Variants in PLCG2 observed in about 807,000 individuals in gnomAD.
The protein encoded by PLCG2 is phospholipase C gamma 2, also known as 1-phosphatidylinositol 4,5-bisphosphate phosphodiesterase gamma-2.
Under a neutral mutation model 175.6 loss-of-function variants are expected in PLCG2, and 69 were observed. The observed-to-expected ratio is 0.39, with a 90% CI of 0.32 to 0.48. The LOEUF (loss-of-function observed/expected upper bound fraction) is 0.48, where lower values mean the gene tolerates loss of function less well. PLCG2 is among the 20% of genes least tolerant of loss of function. PLCG2 has a pLI of 0.91. For missense variants in PLCG2, 1,798 were observed against 1,650.9 expected, an observed-to-expected ratio of 1.09 and a Z score of -1.54; for synonymous variants, 827 against 624.0, an observed-to-expected ratio of 1.33 and a Z score of -4.85.
At chr16:81,741,434 C>A (rs58110576) in intron 1 of PLCG2, among the ~76,000 whole-genome samples, 44,945 of 151,946 alleles carry the variant, frequency 0.3, 7,598 homozygotes, top group East Asian at 0.66. Flanking sequence ...TTTTTTCCGT[C>A]AAAAATTTTT....
intron 2 of PLCG2, among the ~76,000 whole-genome samples, chr16:81,796,446 TA>T (rs1319999796): frequency 1.3e-5 from 2 of 152,196 alleles, no homozygotes; most frequent in African/African-American, 4.8e-5. Flanking sequence ...TTCCTGGGCA[TA>T]GGGGTGGATT....
intron 21 of PLCG2, 32 bp downstream of exon 21, chr16:81,921,301 T>C: frequency 6.9e-7 from 1 of 1,444,262 alleles, no homozygotes; most frequent in South Asian, 1.1e-5. Flanking sequence ...TCACATGATT[T>C]TGGAGTCACG....
At chr16:81,837,426 A>G (rs1260138372) in intron 2 of PLCG2, among the ~76,000 whole-genome samples, 7 of 152,246 alleles carry the variant, frequency 4.6e-5, no homozygotes, top group Non-Finnish European at 8.8e-5. Flanking sequence ...AGGAGGCTGC[A>G]TGAACATCTA....
At chr16:81,950,222 G>A (rs1257068979) in intron 31 of PLCG2, among the ~76,000 whole-genome samples, 1 of 152,126 alleles carries the variant, frequency 6.6e-6, no homozygotes, top group Non-Finnish European at 1.5e-5. Flanking sequence ...AGGCCTAAAG[G>A]CAAGGTAAAT....
rs763047744 is a variant in PLCG2 at position 81,860,172 on chromosome 16, A to ATTATTATTTT, written c.479+1011_479+1012insATTATTTTTT. Among the ~76,000 whole-genome samples, 252 of 120,602 alleles carry ATTATTATTTT rather than the reference A, an allele frequency of 2.1e-3. 1 individual carries two copies. Among genetic ancestry groups the ATTATTATTTT allele is most frequent in the African/African-American group, 4.8e-3 (155 of 32,306 alleles). The allele number at this position is 120,602 out of a possible 152,430, so 79.1% of individuals were successfully genotyped here. On this transcript the variant is annotated intron_variant, in intron 5 of 32. Transcript: ENST00000564138. ...TATTATTATTATTATTATTATTATT[A>ATTATTATTTT]TTTTTTTTTTTTTTTGTAAAGGTGA...
intron 2 of PLCG2, among the ~76,000 whole-genome samples, chr16:81,840,383 T>C (rs1905758414): frequency 6.6e-6 from 1 of 152,104 alleles, no homozygotes; most frequent in Non-Finnish European, 1.5e-5. Context: ...GGGGGGATAG[T>C]GTGAGGATGA....
At chr16:81,858,085 A>T (rs1424899225) in intron 3 of PLCG2, 178 bp from the exon 4 acceptor site, 1 of 557,480 alleles carries the variant, frequency 1.8e-6, no homozygotes, top group East Asian at 2.8e-5. Context: ...CCCATCTCAG[A>T]CAAAAAGCAG....
intron 2 of PLCG2, among the ~76,000 whole-genome samples, chr16:81,817,782 C>T (rs1227582793): frequency 2.6e-5 from 4 of 152,204 alleles, no homozygotes; most frequent in Non-Finnish European, 2.9e-5. Context: ...CCCCTGCACT[C>T]GGTTGTGATT....
intron 25 of PLCG2, 86 bp downstream of exon 25, chr16:81,931,740 G>T: frequency 8.9e-7 from 1 of 1,117,796 alleles, no homozygotes; most frequent in Non-Finnish European, 1.3e-6. Context: ...GGTCCAGGCA[G>T]CAGGATGAGC....
intron 31 of PLCG2, among the ~76,000 whole-genome samples, chr16:81,951,232 G>A (rs1911353678): frequency 6.6e-6 from 1 of 152,146 alleles, no homozygotes; most frequent in Non-Finnish European, 1.5e-5. Flanking sequence ...CCCAAGTGCT[G>A]GAATTACACG....
At chr16:81,818,692 C>T (rs1447755920) in intron 2 of PLCG2, among the ~76,000 whole-genome samples, 1 of 151,984 alleles carries the variant, frequency 6.6e-6, no homozygotes, top group Non-Finnish European at 1.5e-5. Context: ...CTGTGGGCAG[C>T]AGGAAATGGC....
intron 2 of PLCG2, among the ~76,000 whole-genome samples, chr16:81,828,610 C>A (rs1322206885): frequency 6.6e-6 from 1 of 152,106 alleles, no homozygotes; most frequent in African/African-American, 2.4e-5. Flanking sequence ...CAGTTTTGAT[C>A]AGCGAGTCCT....
At position 81,962,491 on chromosome 16, in the gene PLCG2, T is replaced by G. The variant is rs1911813740; in HGVS notation, c.*4493T>G. 4.7e-6 allele frequency: 1 copy of G among 214,138 alleles called. No homozygotes were observed. The highest frequency in any genetic ancestry group is 1.9e-4 in the South Asian group (1 of 5,374). The allele number at this position is 214,138 out of a possible 1,614,324, so 13.3% of individuals were successfully genotyped here. On this transcript the variant is annotated 3_prime_UTR_variant, in exon 33 of 33. Transcript: ENST00000564138. ...CAGAAATTTCCACATTTCTTATTTTTCATTAGGCCTTAAGAAGCTGCATTT... is the reference window on the plus strand; with the variant it reads ...CAGAAATTTCCACATTTCTTATTTTGCATTAGGCCTTAAGAAGCTGCATTT...
intron 2 of PLCG2, among the ~76,000 whole-genome samples, chr16:81,836,028 C>T (rs921280796): frequency 1.3e-5 from 2 of 152,206 alleles, no homozygotes; most frequent in Non-Finnish European, 2.9e-5. Context: ...TTCACACATA[C>T]CAGGGACTGG....
chr16:81,874,872 G>A (rs114798296), intron 7 of PLCG2, among the ~76,000 whole-genome samples: 1,814 of 148,748 alleles, frequency 0.012, 57 homozygotes, highest in African/African-American at 0.043. Context: ...TAACTAGGCT[G>A]TAATAACAGT....
rs777106065 is a variant in PLCG2, at chr16:81,921,287, C to G, written c.2307+18C>G. 1.2e-5 allele frequency: 19 copies of G among 1,548,750 alleles called. No individual in the cohort carries two copies. Among genetic ancestry groups the G allele is most frequent in the Non-Finnish European group, 1.6e-5 (18 of 1,120,222 alleles). On this transcript the variant is annotated intron_variant, in intron 21 of 32. Coordinates refer to ENST00000564138, the MANE Select transcript of PLCG2 (RefSeq NM_002661.5). ...CGTCCATGGTACGGTGCCGAACCTCCAATTCACATGATTTTGGAGTCACGA... is the reference window on the plus strand; with the variant it reads ...CGTCCATGGTACGGTGCCGAACCTCGAATTCACATGATTTTGGAGTCACGA...
intron 3 of PLCG2, 186 bp from the exon 4 acceptor site, chr16:81,858,077 C>T: frequency 1.8e-6 from 1 of 557,312 alleles, no homozygotes; most frequent in Non-Finnish European, 3.2e-6. Context: ...TGTGTGGCCC[C>T]ATCTCAGACA....
At chr16:81,820,610 G>A (rs1289787926) in intron 2 of PLCG2, among the ~76,000 whole-genome samples, 1 of 108,592 alleles carries the variant, frequency 9.2e-6, no homozygotes, top group Non-Finnish European at 1.8e-5. Context: ...CTGTATAATG[G>A]GGAAACATTA....
intron 2 of PLCG2, among the ~76,000 whole-genome samples, chr16:81,817,878 A>C (rs75940041): frequency 2.0e-5 from 3 of 152,226 alleles, no homozygotes; most frequent in Admixed American, 2.0e-4. Flanking sequence ...CCCTGTGCTT[A>C]TGAACATGTT....
Sources: allele counts gnomAD v4.1 joint callset (sites outside exome capture counted in the v4.1 genomes callset), GRCh38; gene constraint gnomAD v4.1.1; transcripts MANE v1.5; gene names NCBI Gene and HGNC (gene_info 2026-07-23, HGNC 2026-07-21).